Variants in BBX observed in about 807,000 individuals in gnomAD.
The protein encoded by BBX is BBX high mobility group box domain containing.
In BBX, 30 loss-of-function variants were observed where a neutral mutation model predicts 100.2. The ratio of observed to expected loss-of-function variants is 0.30; its 90% CI spans 0.22 to 0.41. The LOEUF is 0.41. Ranked by LOEUF, BBX falls within the 10% of genes least tolerant of loss-of-function variation. The probability of loss-of-function intolerance (pLI) is 1.00; values close to 1 mark genes in which losing one functional copy is unlikely to be tolerated. For missense variants in BBX, 1,023 were observed against 1,129.8 expected (o/e 0.91, Z 1.35); for synonymous variants, 376 against 388.1 (o/e 0.97, Z 0.37).
At chr3:107,537,531 A>C (rs2048582966) in intron 2 of BBX, among the ~76,000 whole-genome samples, 1 of 152,228 alleles carries the variant, frequency 6.6e-6, no homozygotes, top group Non-Finnish European at 1.5e-5. Flanking sequence ...CTAATAGATT[A>C]CAAATTATGC....
intron 2 of BBX, among the ~76,000 whole-genome samples, chr3:107,634,076 A>C (rs998681644): frequency 2.0e-5 from 3 of 152,134 alleles, no homozygotes; most frequent in Non-Finnish European, 2.9e-5. Context: ...TCCCCTCTCT[A>C]TTCTCTACTT....
At position 107,791,615 on chromosome 3, in the gene BBX, T is replaced by C. The variant is rs1438793042; in HGVS notation, c.2353+316T>C. ...AGTTCATGTTGCAGGCAGATGCTTA[T>C]GCCCAGTGGGAGCTGGAATAACAAC... On this transcript the variant is annotated intron_variant, in intron 15 of 17. Transcript: ENST00000325805. Among the ~76,000 whole-genome samples the C allele has an allele frequency of 3.9e-5, 6 of 152,314 alleles. No individual in the cohort carries two copies. The East Asian group carries it at 7.7e-4, about 20-fold the overall frequency.
chr3:107,584,165 ATTATT>A (rs2052616597), intron 2 of BBX, among the ~76,000 whole-genome samples: 2 of 22,048 alleles, frequency 9.1e-5, no homozygotes, highest in Non-Finnish European at 1.6e-4. Flanking sequence ...TGATATATAT[ATTATT>A]ATATATATTA....
At position 107,630,002 on chromosome 3, in the gene BBX, G is replaced by A. The variant is rs181664642; in HGVS notation, c.-83-15834G>A. On this transcript the variant is annotated intron_variant, in intron 2 of 17. Transcript: ENST00000325805. ...GTCTGATTCAATATTACCTGTGACC[G>A]TTTTAAACCCTCCACTTTAGTCCTC... Among the ~76,000 whole-genome samples the A allele has an allele frequency of 5.4e-4, 82 of 152,150 alleles. 1 individual carries two copies. The highest frequency in any genetic ancestry group is 6.8e-3 in the Middle Eastern group (2 of 294).
chr3:107,685,562 G>A (rs925447667), intron 3 of BBX, among the ~76,000 whole-genome samples: 3 of 152,224 alleles, frequency 2.0e-5, no homozygotes, highest in Non-Finnish European at 2.9e-5. Context: ...GCATCTGTGA[G>A]AGGATAATGC....
At chr3:107,546,585 G>A (rs956404558) in intron 2 of BBX, among the ~76,000 whole-genome samples, 4 of 152,112 alleles carry the variant, frequency 2.6e-5, no homozygotes, top group Non-Finnish European at 5.9e-5. Flanking sequence ...AGCCTGTCGT[G>A]AATTTTTATT....
chr3:107,743,918 G>GTTTTTTTTTTTTTTTTTTTTTTTT (rs34762783), intron 7 of BBX, among the ~76,000 whole-genome samples: 9 of 56,624 alleles, frequency 1.6e-4, no homozygotes, highest in Non-Finnish European at 2.4e-4. Flanking sequence ...TGTTTTAGTG[G>GTTTTTTTTTTTTTTTTTTTTTTTT]TTTTTTTTTT....
chr3:107,744,860 G>A, intron 8 of BBX, 150 bp downstream of exon 8: 1 of 632,410 alleles, frequency 1.6e-6, no homozygotes, highest in Non-Finnish European at 2.8e-6. Context: ...AAGATATTTT[G>A]GGTCTCTAGA....
chr3:107,711,524 T>G (rs1233931299), intron 4 of BBX, among the ~76,000 whole-genome samples: 2 of 152,184 alleles, frequency 1.3e-5, no homozygotes, highest in Non-Finnish European at 2.9e-5. Context: ...ATTTTACTCT[T>G]TTTCAGACAT....
At chr3:107,661,942 G>A (rs991458586) in intron 3 of BBX, 1 of 970,332 alleles carries the variant, frequency 1.0e-6, no homozygotes, top group African/African-American at 1.8e-5. Context: ...TTGTTCCACT[G>A]TAGTAAGTCA....
intron 14 of BBX, 70 bp downstream of exon 14, chr3:107,789,946 C>A: frequency 1.7e-6 from 2 of 1,200,510 alleles, no homozygotes; most frequent in Non-Finnish European, 2.4e-6. Flanking sequence ...TTGAGTAATG[C>A]TCCCATGCAC....
intron 2 of BBX, among the ~76,000 whole-genome samples, chr3:107,586,922 T>C (rs939429974): frequency 1.3e-5 from 2 of 152,024 alleles, no homozygotes; most frequent in African/African-American, 4.8e-5. Context: ...AGCTAATTTT[T>C]GTATTTTTAG....
intron 2 of BBX, among the ~76,000 whole-genome samples, chr3:107,571,727 G>A (rs757025918): frequency 6.6e-6 from 1 of 152,220 alleles, no homozygotes; most frequent in African/African-American, 2.4e-5. Flanking sequence ...GCGAGTCTAT[G>A]TGAAGAGACC....
At chr3:107,562,150 TCA>T (rs143373690) in intron 2 of BBX, among the ~76,000 whole-genome samples, 17,857 of 152,206 alleles carry the variant, frequency 0.12, 1,373 homozygotes, top group Middle Eastern at 0.19. Context: ...ATCTGGATTC[TCA>T]CACGTTGAAA....
chr3:107,529,492 C>T (rs1332778377), intron 2 of BBX, among the ~76,000 whole-genome samples: 1 of 152,202 alleles, frequency 6.6e-6, no homozygotes, highest in East Asian at 1.9e-4. Flanking sequence ...GTCCTCAGTA[C>T]ACTGAGCAAC....
chr3:107,725,817 A>G (rs928818263), intron 5 of BBX, among the ~76,000 whole-genome samples: 2 of 151,992 alleles, frequency 1.3e-5, no homozygotes, highest in East Asian at 1.9e-4. Context: ...TACCTCATCT[A>G]ATTGGTTGGA....
At chr3:107,628,277 T>G (rs1463517143) in intron 2 of BBX, among the ~76,000 whole-genome samples, 1 of 152,032 alleles carries the variant, frequency 6.6e-6, no homozygotes, top group African/African-American at 2.4e-5. Flanking sequence ...TGGAGTAGAA[T>G]TGCTAATAAG....
intron 3 of BBX, among the ~76,000 whole-genome samples, chr3:107,650,970 A>G (rs574401529): frequency 2.0e-5 from 3 of 152,280 alleles, no homozygotes; most frequent in South Asian, 2.1e-4. Context: ...ATGTCCTTAC[A>G]TGGCCTTTCC....
rs571413255 is a variant in BBX at position 107,698,380 on chromosome 3, C to T, written c.-9-12072C>T. The stretch of plus-strand genomic sequence containing the variant: ...AAAATTCAAAGAGCTAGGCCAGATG[C>T]GGTGGTTCACACCTGTAATCCCAGC... On this transcript the variant is annotated intron_variant, in intron 3 of 17. Coordinates refer to ENST00000325805, the MANE Select transcript of BBX (RefSeq NM_001142568.3). Among the ~76,000 whole-genome samples, 12 of 151,538 alleles carry T rather than the reference C, an allele frequency of 7.9e-5. No homozygotes were observed. In the East Asian group the frequency reaches 1.2e-3, roughly 15 times the overall value.
Sources: gnomAD v4.1 joint callset for allele counts (sites outside exome capture counted in the v4.1 genomes callset) on GRCh38, gnomAD v4.1.1 for gene constraint, MANE v1.5 for transcripts, NCBI Gene and HGNC (gene_info 2026-07-23, HGNC 2026-07-21) for gene names.